LIN28B: variants seen among roughly 807,000 people sequenced by gnomAD.
LIN28B encodes the protein lin-28 RNA binding posttranscriptional regulator B.
A neutral mutation model predicts 21.9 loss-of-function variants in LIN28B; 5 were observed. The observed-to-expected ratio is 0.23, with a 90% CI of 0.12 to 0.48. The LOEUF (loss-of-function observed/expected upper bound fraction) is 0.48. Among genes scored for constraint, LIN28B ranks in the 20% least tolerant of loss-of-function variants. The pLI is 0.98. For synonymous variants in LIN28B, 109 were observed against 111.3 expected, an observed-to-expected ratio of 0.98 and a Z score of 0.13; for missense variants, 245 against 310.5, an observed-to-expected ratio of 0.79 and a Z score of 1.58.
intron 2 of LIN28B, among the ~76,000 whole-genome samples, chr6:104,945,342 A>G (rs1778144600): frequency 6.6e-6 from 1 of 152,094 alleles, no homozygotes; most frequent in Non-Finnish European, 1.5e-5. Context: ...TTAATTGAAA[A>G]TATTTAGAAT....
intron 2 of LIN28B, among the ~76,000 whole-genome samples, chr6:105,006,718 A>G (rs1770823025): frequency 6.6e-6 from 1 of 152,178 alleles, no homozygotes; most frequent in East Asian, 1.9e-4. Flanking sequence ...AGAGTCCTGT[A>G]GTCATGGTCC....
intron 3 of LIN28B, among the ~76,000 whole-genome samples, chr6:105,048,280 G>A (rs221614): frequency 0.78 from 118,070 of 152,134 alleles, 46,713 homozygotes; most frequent in Non-Finnish European, 0.86. Flanking sequence ...AGATAATCAT[G>A]TGGTTTTTGT....
intron 2 of LIN28B, among the ~76,000 whole-genome samples, chr6:104,990,566 T>A (rs567660349): frequency 5.6e-4 from 60 of 106,970 alleles, no homozygotes; most frequent in African/African-American, 1.9e-3. Context: ...TTTTTTATTT[T>A]TTATTTTTTT....
At chr6:105,050,374 G>A (rs1374818532) in intron 3 of LIN28B, among the ~76,000 whole-genome samples, 6 of 151,732 alleles carry the variant, frequency 4.0e-5, no homozygotes, top group African/African-American at 9.7e-5. Flanking sequence ...AGGCCGAGGC[G>A]GGTGGATCAT....
Position 104,971,966 on chromosome 6 carries a change from G to GTTAT in LIN28B, c.198+13699_198+13702dup, listed in dbSNP as rs200156801. On this transcript the variant is annotated intron_variant, in intron 2 of 3. Transcript: ENST00000345080. The stretch of plus-strand genomic sequence containing the variant: ...AAATTATTTGTATCCTAGTATTACT[G>GTTAT]TTATTTATTTATTTATTTATTTGAG... Among the ~76,000 whole-genome samples, 231 of 151,782 alleles carry GTTAT rather than the reference G, an allele frequency of 1.5e-3. No individual in the cohort carries two copies. In the South Asian group the frequency reaches 0.02, roughly 13 times the overall value.
intron 2 of LIN28B, among the ~76,000 whole-genome samples, chr6:104,989,588 T>TG (rs1053763429): frequency 1.4e-5 from 2 of 143,838 alleles, no homozygotes; most frequent in Admixed American, 7.0e-5. Context: ...TTTTTTTTTT[T>TG]TTTTTTTTTT....
chr6:104,963,606 C>G (rs1332300022), intron 2 of LIN28B, among the ~76,000 whole-genome samples: 1 of 152,088 alleles, frequency 6.6e-6, no homozygotes, highest in Non-Finnish European at 1.5e-5. Context: ...AGGTTCACAG[C>G]AAAATTAAGA....
chr6:104,965,050 A>G (rs1162185904), intron 2 of LIN28B, among the ~76,000 whole-genome samples: 1 of 152,208 alleles, frequency 6.6e-6, no homozygotes, highest in Non-Finnish European at 1.5e-5. Flanking sequence ...GTCTTTGCCA[A>G]AAGAATAATG....
At chr6:105,037,958 A>T (rs1360321152) in intron 3 of LIN28B, among the ~76,000 whole-genome samples, 1 of 152,062 alleles carries the variant, frequency 6.6e-6, no homozygotes, top group Non-Finnish European at 1.5e-5. Context: ...TTGGACCCCT[A>T]CCTTATACCA....
At chr6:105,014,351 C>T (rs1037895838) in intron 2 of LIN28B, among the ~76,000 whole-genome samples, 3 of 152,262 alleles carry the variant, frequency 2.0e-5, no homozygotes, top group Admixed American at 6.5e-5. Flanking sequence ...CGGAGTTTCA[C>T]TCTTATTGCC....
In LIN28B at chr6:105,080,915, T is replaced by C. The variant is rs1772531790; in HGVS notation, c.*2132T>C. 1 of 152,552 alleles carries C rather than the reference T, an allele frequency of 6.6e-6. No homozygotes were observed. The highest frequency in any genetic ancestry group is 1.5e-5 in the Non-Finnish European group (1 of 68,020). The allele number at this position is 152,552 out of a possible 1,614,324, so 9.4% of individuals were successfully genotyped here. ...ACTTCAAAATTGGACACTTCCTGTT[T>C]ACAAAAAGAAATTCAGAGCTAAAAT... On this transcript the variant is annotated 3_prime_UTR_variant, in exon 4 of 4. Coordinates refer to ENST00000345080, the MANE Select transcript of LIN28B (RefSeq NM_001004317.4).
At chr6:105,073,811 C>T (rs1440225007) in intron 3 of LIN28B, among the ~76,000 whole-genome samples, 1 of 152,082 alleles carries the variant, frequency 6.6e-6, no homozygotes. Flanking sequence ...TCATTTACAC[C>T]ATTGGAATAT....
intron 2 of LIN28B, among the ~76,000 whole-genome samples, chr6:104,972,846 C>G (rs888973245): frequency 3.7e-4 from 57 of 152,192 alleles, no homozygotes; most frequent in African/African-American, 1.2e-3. Flanking sequence ...TATGGTGGCT[C>G]ATGCCTGTAA....
At chr6:104,993,509 C>T (rs980874588) in intron 2 of LIN28B, among the ~76,000 whole-genome samples, 5 of 152,076 alleles carry the variant, frequency 3.3e-5, no homozygotes, top group African/African-American at 1.2e-4. Context: ...AATAAATGGC[C>T]ATTGTTTAAT....
intron 2 of LIN28B, among the ~76,000 whole-genome samples, chr6:104,942,171 T>C (rs1778103615): frequency 6.6e-6 from 1 of 152,106 alleles, no homozygotes; most frequent in South Asian, 2.1e-4. Flanking sequence ...ATACTCCTAT[T>C]CTATTGTAGT....
chr6:104,983,455 T>C (rs1486755959), intron 2 of LIN28B, among the ~76,000 whole-genome samples: 1 of 152,258 alleles, frequency 6.6e-6, no homozygotes, highest in Non-Finnish European at 1.5e-5. Flanking sequence ...CTGCCTTTCC[T>C]TGAGTAGCAG....
chr6:104,972,431 T>C (rs192270296), intron 2 of LIN28B, among the ~76,000 whole-genome samples: 2 of 152,344 alleles, frequency 1.3e-5, no homozygotes, highest in Admixed American at 1.3e-4. Flanking sequence ...AGTTGAGGGT[T>C]TTCCCCTTTA....
intron 2 of LIN28B, among the ~76,000 whole-genome samples, chr6:104,967,968 G>C (rs1329205259): frequency 6.6e-6 from 1 of 152,086 alleles, no homozygotes; most frequent in East Asian, 1.9e-4. Flanking sequence ...TTAAGTGCTG[G>C]GATTACAGAT....
At chr6:104,985,441 A>G (rs1389650070) in intron 2 of LIN28B, among the ~76,000 whole-genome samples, 2 of 152,172 alleles carry the variant, frequency 1.3e-5, no homozygotes, top group Non-Finnish European at 2.9e-5. Flanking sequence ...TGTTTTGCCT[A>G]TACTTCAATT....
Sources: gnomAD v4.1 joint callset for allele counts (sites outside exome capture counted in the v4.1 genomes callset) on GRCh38, gnomAD v4.1.1 for gene constraint, MANE v1.5 for transcripts, NCBI Gene and HGNC (gene_info 2026-07-23, HGNC 2026-07-21) for gene names.